The following RNGTT variants were observed in gnomAD, a reference collection of about 807,000 sequenced individuals.
RNGTT encodes the protein mRNA-capping enzyme.
RNGTT carries 33 observed loss-of-function variants against 79.3 expected under a neutral mutation model. The ratio of observed to expected loss-of-function variants is 0.42; its 90% CI spans 0.32 to 0.56. The LOEUF is 0.56. Among genes scored for constraint, RNGTT ranks in the 20% least tolerant of loss-of-function variants. The pLI is 0.17. For missense variants in RNGTT, 497 were observed against 739.1 expected (o/e 0.67, Z 3.80); for synonymous variants, 222 against 235.9 (o/e 0.94, Z 0.54).
chr6:88,660,549 T>TAAAAAAAA (rs139978224), intron 14 of RNGTT, among the ~76,000 whole-genome samples: 9 of 144,262 alleles, frequency 6.2e-5, no homozygotes, highest in Middle Eastern at 3.6e-3. Flanking sequence ...GCAACAATGG[T>TAAAAAAAA]AAAAAAAAAG....
At chr6:88,647,803 T>C (rs1773636041) in intron 14 of RNGTT, among the ~76,000 whole-genome samples, 1 of 150,350 alleles carries the variant, frequency 6.7e-6, no homozygotes, top group South Asian at 2.1e-4. Flanking sequence ...ACTTAACCAA[T>C]CAATCTGTTC....
chr6:88,760,700 A>G (rs907178763), intron 13 of RNGTT, among the ~76,000 whole-genome samples: 10 of 152,122 alleles, frequency 6.6e-5, no homozygotes, highest in Admixed American at 2.6e-4. Flanking sequence ...TTTGTGAAAG[A>G]GGCAGAGGGT....
At chr6:88,758,720 T>C (rs1778104004) in intron 13 of RNGTT, among the ~76,000 whole-genome samples, 1 of 152,220 alleles carries the variant, frequency 6.6e-6, no homozygotes, top group South Asian at 2.1e-4. Context: ...TAAGGGGTTG[T>C]CCAATTTCTC....
chr6:88,645,225 G>C (rs1327756874), intron 14 of RNGTT, among the ~76,000 whole-genome samples: 1 of 152,118 alleles, frequency 6.6e-6, no homozygotes, highest in Non-Finnish European at 1.5e-5. Context: ...CAAACAGAGA[G>C]CCAAATCATG....
At chr6:88,925,361 T>C (rs1784285904) in intron 4 of RNGTT, among the ~76,000 whole-genome samples, 1 of 151,808 alleles carries the variant, frequency 6.6e-6, no homozygotes, top group Admixed American at 6.6e-5. Context: ...GAGGCCAAGG[T>C]GGGTAGATCA....
chr6:88,825,997 A>G (rs1278503720), intron 11 of RNGTT, among the ~76,000 whole-genome samples: 1 of 152,226 alleles, frequency 6.6e-6, no homozygotes, highest in Non-Finnish European at 1.5e-5. Context: ...TACAATTAGC[A>G]TAGAAAATAT....
At chr6:88,626,118 AG>A (rs1172441967) in intron 14 of RNGTT, among the ~76,000 whole-genome samples, 1 of 152,020 alleles carries the variant, frequency 6.6e-6, no homozygotes, top group Non-Finnish European at 1.5e-5. Flanking sequence ...TAATTTGATC[AG>A]GGGTTAATAG....
chr6:88,943,215 T>C (rs995798823), intron 1 of RNGTT, among the ~76,000 whole-genome samples: 4 of 152,218 alleles, frequency 2.6e-5, no homozygotes, highest in Non-Finnish European at 5.9e-5. Context: ...CTAACAGATG[T>C]CTCAGATTTG....
chr6:88,631,285 C>A (rs1772873744), intron 14 of RNGTT, among the ~76,000 whole-genome samples: 1 of 152,238 alleles, frequency 6.6e-6, no homozygotes, highest in South Asian at 2.1e-4. Flanking sequence ...AGATCTCCTA[C>A]AGGAAAACTG....
In RNGTT at chr6:88,714,473, C is replaced by T. The variant is rs1776432402; in HGVS notation, c.1440-36054G>A. On this transcript the variant is annotated intron_variant, in intron 13 of 15. Coordinates refer to ENST00000369485, the MANE Select transcript of RNGTT (RefSeq NM_003800.5). ...TTTTTTTTTTTTTGAGACGGAGTCTCGCTCTGTCGCCCAGGCTGGAGTGCA... is the reference window on the plus strand; with the variant it reads ...TTTTTTTTTTTTTGAGACGGAGTCTTGCTCTGTCGCCCAGGCTGGAGTGCA... The T allele has an allele frequency of 9.2e-5, 8 of 87,346 alleles. 2 individuals carry two copies. The South Asian group carries it at 2.7e-3, about 30-fold the overall frequency. 5.4% of individuals were successfully genotyped at this position (87,346 alleles called of 1,614,324 possible).
At chr6:88,773,228 A>C (rs78729575) in intron 12 of RNGTT, among the ~76,000 whole-genome samples, 34 of 149,128 alleles carry the variant, frequency 2.3e-4, no homozygotes, top group Middle Eastern at 3.4e-3. Flanking sequence ...GAACAAAAAA[A>C]CAAACACCGC....
intron 13 of RNGTT, among the ~76,000 whole-genome samples, chr6:88,767,167 G>A (rs892214124): frequency 2.6e-5 from 4 of 151,990 alleles, no homozygotes; most frequent in Non-Finnish European, 5.9e-5. Context: ...CACAAATAAT[G>A]TACATACACT....
At chr6:88,779,584 C>G (rs181131457) in intron 12 of RNGTT, among the ~76,000 whole-genome samples, 1 of 152,144 alleles carries the variant, frequency 6.6e-6, no homozygotes, top group Admixed American at 6.5e-5. Context: ...AATTCAGAAA[C>G]TTAAGTAACT....
At chr6:88,694,456 T>C in intron 13 of RNGTT, among the ~76,000 whole-genome samples, 1 of 151,814 alleles carries the variant, frequency 6.6e-6, no homozygotes, top group Non-Finnish European at 1.5e-5. Context: ...AAGACACAAG[T>C]AAATGGAAAG....
intron 8 of RNGTT, among the ~76,000 whole-genome samples, chr6:88,860,810 T>C (rs999899969): frequency 1.3e-4 from 19 of 146,910 alleles, no homozygotes; most frequent in African/African-American, 4.5e-4. Context: ...CACATCTCTA[T>C]TTTTTTTTTA....
intron 2 of RNGTT, among the ~76,000 whole-genome samples, chr6:88,936,975 C>T (rs1039365601): frequency 2.6e-5 from 4 of 152,146 alleles, no homozygotes; most frequent in African/African-American, 9.7e-5. Context: ...CTGATTCAAT[C>T]TTGGTAGGTT....
chr6:88,808,393 C>G (rs887086496), intron 11 of RNGTT, among the ~76,000 whole-genome samples: 1 of 151,748 alleles, frequency 6.6e-6, no homozygotes, highest in Non-Finnish European at 1.5e-5. Flanking sequence ...ATCTAATAGG[C>G]CCAAAAAGTG....
At chr6:88,818,746 T>C (rs1178037002) in intron 11 of RNGTT, among the ~76,000 whole-genome samples, 5 of 152,168 alleles carry the variant, frequency 3.3e-5, no homozygotes, top group African/African-American at 1.2e-4. Context: ...AAAGCCATAA[T>C]CAACAAGAGA....
intron 4 of RNGTT, among the ~76,000 whole-genome samples, chr6:88,919,386 C>G (rs900194013): frequency 6.6e-6 from 1 of 152,140 alleles, no homozygotes; most frequent in Non-Finnish European, 1.5e-5. Flanking sequence ...AACTCCCCAA[C>G]AAATAGACAG....
Sources: gnomAD v4.1 joint callset for allele counts (sites outside exome capture counted in the v4.1 genomes callset) on GRCh38, gnomAD v4.1.1 for gene constraint, MANE v1.5 for transcripts, NCBI Gene and HGNC (gene_info 2026-07-23, HGNC 2026-07-21) for gene names.